The following LDB2 variants were observed in gnomAD, a reference collection of about 807,000 sequenced individuals.
LDB2 encodes LIM domain binding 2.
A neutral mutation model predicts 44.3 loss-of-function variants in LDB2; 12 were observed. That is an observed-to-expected ratio of 0.27 (90% CI 0.17 to 0.44). LDB2 has a LOEUF of 0.44. Ranked by LOEUF, LDB2 falls within the 20% of genes least tolerant of loss-of-function variation. LDB2 has a pLI of 1.00. For synonymous variants in LDB2, 164 were observed against 174.8 expected (o/e 0.94, Z 0.49); for missense variants, 344 against 473.5 (o/e 0.73, Z 2.54).
intron 2 of LDB2, among the ~76,000 whole-genome samples, chr4:16,695,292 T>C (rs1310485384): frequency 1.3e-5 from 2 of 152,022 alleles, no homozygotes; most frequent in African/African-American, 4.8e-5. Context: ...ATCCCAGCAC[T>C]TTGGGCGGTG....
intron 5 of LDB2, among the ~76,000 whole-genome samples, chr4:16,542,055 A>G (rs1009041296): frequency 6.9e-6 from 1 of 145,144 alleles, no homozygotes; most frequent in African/African-American, 2.6e-5. Context: ...TGACGTGCAC[A>G]TAACAGCAAA....
intron 2 of LDB2, among the ~76,000 whole-genome samples, chr4:16,738,721 A>T (rs1762375877): frequency 6.6e-6 from 1 of 152,248 alleles, no homozygotes; most frequent in Non-Finnish European, 1.5e-5. Flanking sequence ...GACAGAGAAC[A>T]TTTGGCAAAT....
chr4:16,524,915 T>A (rs181495993), intron 5 of LDB2, among the ~76,000 whole-genome samples: 1 of 152,324 alleles, frequency 6.6e-6, no homozygotes, highest in East Asian at 1.9e-4. Context: ...ATATTGGTTA[T>A]TCTTCCCAGG....
In LDB2 at chr4:16,582,924, T is replaced by C. The variant is rs147493174; in HGVS notation, c.615+2998A>G. On this transcript the variant is annotated intron_variant, in intron 5 of 7. Coordinates refer to ENST00000304523, the MANE Select transcript of LDB2 (RefSeq NM_001290.5). The surrounding 1 kb of genome is among the most constrained non-coding windows in gnomAD (Gnocchi z 4.8). Reference sequence around the variant, plus strand: ...CAAGAGGGAACAGCAGGTGATTTGATAACCCAAATCAAATGACAATAGTTG... The same window carrying C: ...CAAGAGGGAACAGCAGGTGATTTGACAACCCAAATCAAATGACAATAGTTG... Among the ~76,000 whole-genome samples the C allele has an allele frequency of 0.012, 1,862 of 152,254 alleles. 24 individuals carry two copies. Among genetic ancestry groups the C allele is most frequent in the Non-Finnish European group, 0.02 (1,353 of 68,034 alleles).
intron 1 of LDB2, among the ~76,000 whole-genome samples, chr4:16,850,665 A>G (rs1021713463): frequency 6.6e-6 from 1 of 152,164 alleles, no homozygotes; most frequent in Non-Finnish European, 1.5e-5. Context: ...ATCCCTTTTA[A>G]CAATATCTTC....
In LDB2 at chr4:16,582,911, G is replaced by T. The variant is rs901244315; in HGVS notation, c.615+3011C>A. Among the ~76,000 whole-genome samples, 2 of 152,182 alleles carry T rather than the reference G, an allele frequency of 1.3e-5. No homozygotes were observed. The highest frequency in any genetic ancestry group is 6.5e-5 in the Admixed American group (1 of 15,286). Reference sequence around the variant, plus strand: ...CAGGAGGGAACGACAAGAGGGAACAGCAGGTGATTTGATAACCCAAATCAA... The same window carrying T: ...CAGGAGGGAACGACAAGAGGGAACATCAGGTGATTTGATAACCCAAATCAA... On this transcript the variant is annotated intron_variant, in intron 5 of 7. Coordinates refer to ENST00000304523, the MANE Select transcript of LDB2 (RefSeq NM_001290.5). This position sits in a 1 kb window ranked among gnomAD's most constrained non-coding sequence, Gnocchi z 4.8.
intron 5 of LDB2, among the ~76,000 whole-genome samples, chr4:16,554,940 AGTGTTG>A (rs1462393641): frequency 2.0e-5 from 3 of 152,180 alleles, no homozygotes; most frequent in Non-Finnish European, 2.9e-5. Context: ...ATGACATGTC[AGTGTTG>A]GTTCATTGAT....
At position 16,847,996 on chromosome 4, in the gene LDB2, G is replaced by C. The variant is rs566013590; in HGVS notation, c.132+50358C>G. Among the ~76,000 whole-genome samples the C allele has an allele frequency of 9.5e-4, 144 of 152,120 alleles. 1 individual carries two copies. The highest frequency in any genetic ancestry group is 1.7e-3 in the Non-Finnish European group (115 of 68,044). ...GCCAAATATAAATGTAAAATACATA[G>C]AGTCTTGTGAAAAAAATAAAATAAA... On this transcript the variant is annotated intron_variant, in intron 1 of 7. Transcript: ENST00000304523.
At chr4:16,884,003 T>G (rs1720934379) in intron 1 of LDB2, among the ~76,000 whole-genome samples, 2 of 152,328 alleles carry the variant, frequency 1.3e-5, no homozygotes, top group Non-Finnish European at 2.9e-5. Context: ...TTTTCCTTTG[T>G]GCATCTCCCT....
intron 2 of LDB2, among the ~76,000 whole-genome samples, chr4:16,634,298 A>G (rs1413357078): frequency 4.2e-5 from 1 of 23,642 alleles, no homozygotes; most frequent in East Asian, 1.4e-3. Context: ...TGCACGGCCA[A>G]AAAAAAAAAA....
intron 5 of LDB2, among the ~76,000 whole-genome samples, chr4:16,517,574 G>A (rs994950209): frequency 6.6e-6 from 1 of 152,140 alleles, no homozygotes; most frequent in East Asian, 1.9e-4. Flanking sequence ...GGGTAGTACC[G>A]GAGTGAAGAA....
At chr4:16,513,575 C>T (rs965181812) in intron 5 of LDB2, among the ~76,000 whole-genome samples, 6 of 152,290 alleles carry the variant, frequency 3.9e-5, no homozygotes, top group East Asian at 1.9e-4. Flanking sequence ...TGACGTTTCT[C>T]GAAGTGTGAT....
At chr4:16,556,758 C>A (rs1017738436) in intron 5 of LDB2, among the ~76,000 whole-genome samples, 2 of 152,090 alleles carry the variant, frequency 1.3e-5, no homozygotes, top group African/African-American at 2.4e-5. Flanking sequence ...GTTTTAACTA[C>A]GTTTATTTAA....
chr4:16,815,519 C>T (rs1335181623), intron 1 of LDB2, among the ~76,000 whole-genome samples: 1 of 152,102 alleles, frequency 6.6e-6, no homozygotes, highest in Non-Finnish European at 1.5e-5. Flanking sequence ...CCAGTGAATC[C>T]TCTATTTTTC....
chr4:16,869,691 CTAT>C (rs1039602726), intron 1 of LDB2, among the ~76,000 whole-genome samples: 1 of 152,164 alleles, frequency 6.6e-6, no homozygotes, highest in Non-Finnish European at 1.5e-5. Flanking sequence ...AAAATTATGA[CTAT>C]TATTGAGTTA....
At chr4:16,883,134 C>T (rs1314259204) in intron 1 of LDB2, among the ~76,000 whole-genome samples, 1 of 152,164 alleles carries the variant, frequency 6.6e-6, no homozygotes, top group African/African-American at 2.4e-5. Context: ...AAAGGCAAGA[C>T]ACTGTGACCA....
chr4:16,895,977 C>T (rs115740446), intron 1 of LDB2, among the ~76,000 whole-genome samples: 2 of 151,662 alleles, frequency 1.3e-5, no homozygotes, highest in African/African-American at 4.8e-5. Context: ...GAAATAAAAA[C>T]AAATGTATGG....
At chr4:16,855,575 A>C (rs1179910099) in intron 1 of LDB2, among the ~76,000 whole-genome samples, 1 of 152,166 alleles carries the variant, frequency 6.6e-6, no homozygotes, top group Admixed American at 6.5e-5. Flanking sequence ...CTCAAAAATG[A>C]ACAAAGTGAG....
intron 2 of LDB2, among the ~76,000 whole-genome samples, chr4:16,684,409 A>T (rs189110580): frequency 5.3e-5 from 8 of 152,326 alleles, no homozygotes; most frequent in Non-Finnish European, 1.2e-4. Flanking sequence ...CTGTCCAATC[A>T]TAATAAGAAC....
Sources: gnomAD v4.1 joint callset for allele counts (sites outside exome capture counted in the v4.1 genomes callset) on GRCh38, gnomAD v4.1.1 for gene constraint, Gnocchi (gnomAD v3.1) non-coding constraint, MANE v1.5 for transcripts, NCBI Gene and HGNC (gene_info 2026-07-23, HGNC 2026-07-21) for gene names.